The following MRPL20 variants were observed in gnomAD, a reference collection of about 807,000 sequenced individuals.
The protein encoded by MRPL20 is large ribosomal subunit protein bL20m.
In MRPL20, 21 loss-of-function variants were observed where a neutral mutation model predicts 20.0. The ratio of observed to expected loss-of-function variants is 1.05; its 90% CI spans 0.74 to 1.51. MRPL20 has a LOEUF of 1.51. MRPL20 is among the 40% of genes most tolerant of loss of function. The pLI is 0.00. For missense variants in MRPL20, 252 were observed against 185.6 expected (o/e 1.36, Z -2.08); for synonymous variants, 104 against 73.0 (o/e 1.43, Z -2.17).
rs941069120 is a variant in MRPL20, at chr1:1,402,365, G to T, written c.277-109C>A. The T allele has an allele frequency of 4.8e-5, 69 of 1,444,994 alleles. No individual in the cohort carries two copies. The Middle Eastern group carries it at 1.9e-3, about 39-fold the overall frequency. The allele number at this position is 1,444,994 out of a possible 1,614,324, so 89.5% of individuals were successfully genotyped here. ...AACCCAGCTGCACACTCGCCTGGGG[G>T]GAGGGAAGGCCTAGGAGAATCCTAT... On this transcript the variant is annotated intron_variant, in intron 3 of 3. Coordinates refer to ENST00000344843, the MANE Select transcript of MRPL20 (RefSeq NM_017971.4).
chr1:1,405,786 G>A, intron 3 of MRPL20, 23 bp downstream of exon 3: 1 of 1,614,098 alleles, frequency 6.2e-7, no homozygotes, highest in Non-Finnish European at 8.5e-7. Context: ...GAATTTCAGT[G>A]GGACCCACAT....
Position 1,405,887 on chromosome 1 carries a change from C to T in MRPL20, c.199-1G>A. ...CAGCTGTAATTCGATTAATCCAGAG[C>T]TGAAATAAGAAAACATGAAGATACT... On this transcript the variant is annotated splice_acceptor_variant, in intron 2 of 3. Coordinates refer to ENST00000344843, the MANE Select transcript of MRPL20 (RefSeq NM_017971.4). LOFTEE classifies it high-confidence loss of function. 1 of 1,606,220 alleles carries T rather than the reference C, an allele frequency of 6.2e-7. No homozygotes were observed. Among genetic ancestry groups the T allele is most frequent in the Non-Finnish European group, 8.5e-7 (1 of 1,174,120 alleles).
At position 1,407,224 on chromosome 1, in the gene MRPL20, T is replaced by A. The variant is rs759872665; in HGVS notation, c.-7A>T. On this transcript the variant is annotated 5_prime_UTR_variant, in exon 1 of 4. Transcript: ENST00000344843. ...GCGCGGTGAGGAAGACCATGGCGCC[T>A]GCAGGCCGGCGTCCCGAACACTCAA... is the stretch of plus-strand genomic sequence containing the variant. 7 of 1,592,096 alleles carry A rather than the reference T, an allele frequency of 4.4e-6. No individual in the cohort carries two copies. The South Asian group carries it at 6.7e-5, about 15-fold the overall frequency.
chr1:1,405,882 C>T lies in MRPL20; in HGVS notation c.203G>A (p.Trp68Ter), dbSNP rs778081207. The change falls in exon 3 of 4, where the codon TGG becomes TAG. Residue 68 changes from tryptophan to a stop codon, truncating the protein, a stop_gained. Transcript: ENST00000344843. LOFTEE classifies it high-confidence loss of function. ...GCTAGCAGCTGTAATTCGATTAATC[C>T]AGAGCTGAAATAAGAAAACATGAAG... ...YLKKKNMRTL[W>*]INRITAASQE... 1 of 1,608,880 alleles carries T rather than the reference C, an allele frequency of 6.2e-7. No homozygotes were observed. Among genetic ancestry groups the T allele is most frequent in the African/African-American group, 1.3e-5 (1 of 74,738 alleles).
At chr1:1,406,357 G>GA (rs1186363691) in intron 2 of MRPL20, 244 of 173,750 alleles carry the variant, frequency 1.4e-3, no homozygotes, top group South Asian at 4.2e-3. Context: ...CTCGGGGTAA[G>GA]AAAAAAAAAC....
In MRPL20 at chr1:1,402,236, C is replaced by A. The variant is rs758451041; in HGVS notation, c.297G>T (p.Arg99Ser). 1 of 1,612,698 alleles carries A rather than the reference C, an allele frequency of 6.2e-7. No homozygotes were observed. Among genetic ancestry groups the A allele is most frequent in the Non-Finnish European group, 8.5e-7 (1 of 1,179,380 alleles). ...NLVKCQVELN[R>S]KVLADLAIYE... ...AGATGGCCAGATCCGCTAGGACTTT[C>A]CTGTTGAGCTCCACCTGGCACTGAA... Residue 99 changes from arginine (R) to serine (S), a missense_variant, in exon 4 of 4, where the codon AGG becomes AGT. Transcript: ENST00000344843.
chr1:1,405,505 C>G (rs892735351), intron 3 of MRPL20: 1 of 606,980 alleles, frequency 1.6e-6, no homozygotes, highest in Admixed American at 2.8e-5. Flanking sequence ...TGGCACTATT[C>G]CTAGGCACAA....
At position 1,402,152 on chromosome 1, in the gene MRPL20, T is replaced by A. The variant is rs939005041; in HGVS notation, c.381A>T (p.Gly127=). ...TCCCATCCCCCAAGGCAGCAGCAAATCCTTCGTGTCGCCTCCTACTGGCCA... is the reference window on the plus strand; with the variant it reads ...TCCCATCCCCCAAGGCAGCAGCAAAACCTTCGTGTCGCCTCCTACTGGCCA... ...AALASRRRHE[G]FAAALGDGKE... is the part of the protein sequence containing the mutation. The change falls in exon 4 of 4, where the codon GGA becomes GGT. Residue 127 remains glycine, a synonymous_variant. Transcript: ENST00000344843. 4 of 1,613,974 alleles carry A rather than the reference T, an allele frequency of 2.5e-6. No individual in the cohort carries two copies. The highest frequency in any genetic ancestry group is 3.4e-6 in the Non-Finnish European group (4 of 1,179,976).
At chr1:1,402,592 C>G in intron 3 of MRPL20, 1 of 1,046,470 alleles carries the variant, frequency 9.6e-7, no homozygotes, top group Non-Finnish European at 1.2e-6. Flanking sequence ...TTAAGCCAAC[C>G]TGGAAGTGCC....
At chr1:1,404,003 C>T (rs1645359269) in intron 3 of MRPL20, among the ~76,000 whole-genome samples, 1 of 150,230 alleles carries the variant, frequency 6.7e-6, no homozygotes, top group Non-Finnish European at 1.5e-5. Flanking sequence ...CCACGCCTGG[C>T]TCATTTTGTA....
At position 1,406,991 on chromosome 1, in the gene MRPL20, T is replaced by C. The variant is rs1306301567; in HGVS notation, c.116A>G (p.Tyr39Cys). ...AATCACGGTTCTGACCGCCAACCTG[T>C]AGCAGCGATTTTTCCTTCCCCGGAA... is the stretch of plus-strand genomic sequence containing the variant. ...RHFRGRKNRC[Y>C]RLAVRTVIRA... Residue 39 changes from tyrosine (Y) to cysteine (C), a missense_variant, in exon 2 of 4, where the codon TAC becomes TGC. By Grantham distance (194) the Tyr-to-Cys change is radical. Coordinates refer to ENST00000344843, the MANE Select transcript of MRPL20 (RefSeq NM_017971.4). 1.2e-6 allele frequency: 2 copies of C among 1,613,810 alleles called. No individual in the cohort carries two copies. Among genetic ancestry groups the C allele is most frequent in the Non-Finnish European group, 1.7e-6 (2 of 1,179,750 alleles).
chr1:1,407,223 C>G lies in MRPL20; in HGVS notation c.-6G>C, dbSNP rs374445421. 5 of 1,593,516 alleles carry G rather than the reference C, an allele frequency of 3.1e-6. No homozygotes were observed. The highest frequency in any genetic ancestry group is 4.3e-6 in the Non-Finnish European group (5 of 1,170,408). On this transcript the variant is annotated 5_prime_UTR_variant, in exon 1 of 4. Coordinates refer to ENST00000344843, the MANE Select transcript of MRPL20 (RefSeq NM_017971.4). ...TGCGCGGTGAGGAAGACCATGGCGC[C>G]TGCAGGCCGGCGTCCCGAACACTCA...
Position 1,402,138 on chromosome 1 carries a change from A to G in MRPL20, c.395T>C (p.Leu132Ser), listed in dbSNP as rs762571648. ...RRRHEGFAAA[L>S]GDGKEPEGIF... The stretch of plus-strand genomic sequence containing the variant: ...GCCTTCAGGTTCCTTCCCATCCCCC[A>G]AGGCAGCAGCAAATCCTTCGTGTCG... Residue 132 changes from leucine (L) to serine (S), a missense_variant, in exon 4 of 4, where the codon TTG (leucine) becomes TCG (serine). Physicochemically the swap from Leu to Ser is moderately radical, Grantham distance 145. Transcript: ENST00000344843. 2 of 1,614,132 alleles carry G rather than the reference A, an allele frequency of 1.2e-6. No homozygotes were observed. The highest frequency in any genetic ancestry group is 1.3e-5 in the African/African-American group (1 of 75,036).
chr1:1,402,360 T>TG (rs1557749424), intron 3 of MRPL20, 104 bp from the exon 4 acceptor site: 8 of 1,452,942 alleles, frequency 5.5e-6, no homozygotes, highest in Non-Finnish European at 7.2e-6. Context: ...CACACTCGCC[T>TG]GGGGGGAGGG....
At chr1:1,402,833 A>T (rs983723583) in intron 3 of MRPL20, among the ~76,000 whole-genome samples, 8 of 151,862 alleles carry the variant, frequency 5.3e-5, no homozygotes, top group Admixed American at 6.6e-5. Context: ...AAAATACAAG[A>T]AAAAAAACCA....
intron 2 of MRPL20, 24 bp from the exon 3 acceptor site, chr1:1,405,910 A>T: frequency 6.3e-7 from 1 of 1,597,398 alleles, no homozygotes; most frequent in South Asian, 1.1e-5. Flanking sequence ...ACATGAAGAT[A>T]CTTAAAAATG....
Position 1,401,974 on chromosome 1 carries a change from G to C in MRPL20, c.*109C>G. 2.4e-6 allele frequency: 3 copies of C among 1,257,104 alleles called. No homozygotes were observed. Among genetic ancestry groups the C allele is most frequent in the Non-Finnish European group, 3.3e-6 (3 of 903,548 alleles). The allele number at this position is 1,257,104 out of a possible 1,614,324, so 77.9% of individuals were successfully genotyped here. ...CATCTGTGAGGCTCTGTCCCAGAGA[G>C]ACAGGGCCATCCCTCATGTCTGTTA... is the stretch of plus-strand genomic sequence containing the variant. On this transcript the variant is annotated 3_prime_UTR_variant, in exon 4 of 4. Coordinates refer to ENST00000344843, the MANE Select transcript of MRPL20 (RefSeq NM_017971.4).
chr1:1,405,833 T>C lies in MRPL20; in HGVS notation c.252A>G (p.Pro84=), dbSNP rs554724812. The change falls in exon 3 of 4, where the codon CCA becomes CCG. Residue 84 remains proline (P), a synonymous_variant. Coordinates refer to ENST00000344843, the MANE Select transcript of MRPL20 (RefSeq NM_017971.4). ...AASQEHGLKY[P]ALIGNLVKCQ... The stretch of plus-strand genomic sequence containing the variant: ...CCTTAACTAAATTCCCAATGAGCGC[T>C]GGATACTTCAGTCCATGTTCCTGGC... 4.3e-6 allele frequency: 7 copies of C among 1,614,078 alleles called. No homozygotes were observed. The South Asian group carries it at 4.4e-5, about 10-fold the overall frequency.
intron 3 of MRPL20, among the ~76,000 whole-genome samples, chr1:1,403,856 T>C (rs1645357259): frequency 6.6e-6 from 1 of 152,138 alleles, no homozygotes; most frequent in African/African-American, 2.4e-5. Flanking sequence ...TTTTTGTTGT[T>C]GTTGAGACAC....
Sources: gnomAD v4.1 joint callset for allele counts (sites outside exome capture counted in the v4.1 genomes callset) on GRCh38, gnomAD v4.1.1 for gene constraint, MANE v1.5 for transcripts, NCBI Gene and HGNC (gene_info 2026-07-23, HGNC 2026-07-21) for gene names.